ULK4: variants seen among roughly 807,000 people sequenced by gnomAD.
The protein encoded by ULK4 is unc-51 like kinase 4.
ULK4 carries 133 observed loss-of-function variants against 160.6 expected under a neutral mutation model. That is an observed-to-expected ratio of 0.83 (90% CI 0.72 to 0.96). The LOEUF is 0.96. Ranked by LOEUF, ULK4 falls within the 40% of genes least tolerant of loss-of-function variation. The pLI is 0.00. For missense variants in ULK4, 1,580 were observed against 1,499.5 expected (o/e 1.05, Z -0.89); for synonymous variants, 534 against 539.8 (o/e 0.99, Z 0.15).
At chr3:41,786,182 T>A (rs2039992087) in intron 21 of ULK4, among the ~76,000 whole-genome samples, 1 of 152,198 alleles carries the variant, frequency 6.6e-6, no homozygotes, top group Non-Finnish European at 1.5e-5. Context: ...TTGTTTATTA[T>A]CAGCCCCTCC....
At chr3:41,769,304 T>C (rs764700619) in intron 21 of ULK4, among the ~76,000 whole-genome samples, 1 of 152,214 alleles carries the variant, frequency 6.6e-6, no homozygotes, top group Admixed American at 6.5e-5. Context: ...TTAAGCAATG[T>C]GTACCACGCC....
chr3:41,695,426 A>C (rs2036458516), intron 27 of ULK4, among the ~76,000 whole-genome samples: 1 of 152,190 alleles, frequency 6.6e-6, no homozygotes. Context: ...AGAAATGACT[A>C]ATTTCATAGC....
chr3:41,433,149 G>A (rs1180810075), intron 34 of ULK4, among the ~76,000 whole-genome samples: 1 of 152,060 alleles, frequency 6.6e-6, no homozygotes, highest in Non-Finnish European at 1.5e-5. Context: ...CAATGAAAGA[G>A]GTAAACTAAG....
chr3:41,367,283 C>T (rs1315066297), intron 35 of ULK4, among the ~76,000 whole-genome samples: 2 of 152,136 alleles, frequency 1.3e-5, no homozygotes, highest in South Asian at 2.1e-4. Context: ...GGGATCTTCT[C>T]CTAAGTAGAT....
intron 27 of ULK4, among the ~76,000 whole-genome samples, chr3:41,698,522 G>A (rs950872506): frequency 1.3e-5 from 2 of 152,094 alleles, no homozygotes; most frequent in Non-Finnish European, 2.9e-5. Context: ...TAAGGATAAT[G>A]CAAATATTCC....
chr3:41,618,913 T>C (rs1371300155), intron 30 of ULK4, among the ~76,000 whole-genome samples: 1 of 147,062 alleles, frequency 6.8e-6, no homozygotes, highest in Non-Finnish European at 1.5e-5. Context: ...GGCCTCAAAA[T>C]AAAGGGATGG....
rs752843326 is a variant in ULK4, at chr3:41,678,177, TACACACAC to T, written c.2978+3323_2978+3330del. Among the ~76,000 whole-genome samples the T allele has an allele frequency of 5.5e-3, 683 of 123,128 alleles. 7 individuals are homozygous for T. Among genetic ancestry groups the T allele is most frequent in the African/African-American group, 0.017 (540 of 32,686 alleles). The allele number at this position is 123,128 out of a possible 152,430, so 80.8% of individuals were successfully genotyped here. ...TTTCTTAAAATAAATCTTTATTTCATACACACACACACACACACACACACACACACACA... is the reference window on the plus strand; with the variant it reads ...TTTCTTAAAATAAATCTTTATTTCATACACACACACACACACACACACACA... On this transcript the variant is annotated intron_variant, in intron 29 of 36. Transcript: ENST00000301831.
chr3:41,340,266 G>A (rs1328761708), intron 35 of ULK4, among the ~76,000 whole-genome samples: 1 of 152,174 alleles, frequency 6.6e-6, no homozygotes, highest in African/African-American at 2.4e-5. Flanking sequence ...ATTTGACCAA[G>A]AGGTGTTCAG....
chr3:41,701,238 C>G (rs1217659416), intron 27 of ULK4, among the ~76,000 whole-genome samples: 1 of 151,988 alleles, frequency 6.6e-6, no homozygotes, highest in Non-Finnish European at 1.5e-5. Context: ...GAATCCTCAA[C>G]AGAATAAGTA....
chr3:41,848,254 G>A (rs1410763281), intron 17 of ULK4, among the ~76,000 whole-genome samples: 1 of 147,978 alleles, frequency 6.8e-6, no homozygotes, highest in Non-Finnish European at 1.5e-5. Flanking sequence ...CAAGTAAAGT[G>A]CATAAGTAGA....
In ULK4 at chr3:41,655,384, G is replaced by C. The variant is rs1014323768; in HGVS notation, c.3071+8223C>G. ...ACACACCGGGGACTGTTGTGGGGTG[G>C]GGGGAGGGGGGAGGGATAGCATTAG... On this transcript the variant is annotated intron_variant, in intron 30 of 36. Coordinates refer to ENST00000301831, the MANE Select transcript of ULK4 (RefSeq NM_017886.4). 2.7e-4 allele frequency among the ~76,000 whole-genome samples: 34 copies of C among 127,222 alleles called. 1 individual carries two copies. The highest frequency in any genetic ancestry group is 3.3e-4 in the Non-Finnish European group (20 of 60,732). 83.5% of individuals were successfully genotyped at this position (127,222 alleles called of 152,430 possible).
At chr3:41,903,708 C>T (rs1473108641) in intron 12 of ULK4, among the ~76,000 whole-genome samples, 1 of 151,860 alleles carries the variant, frequency 6.6e-6, no homozygotes, top group Non-Finnish European at 1.5e-5. Flanking sequence ...ATATCCCACT[C>T]ACAACAGCAA....
chr3:41,406,918 G>C (rs2082304842), intron 34 of ULK4, among the ~76,000 whole-genome samples: 1 of 152,186 alleles, frequency 6.6e-6, no homozygotes, highest in South Asian at 2.1e-4. Flanking sequence ...TAGGGTGAGA[G>C]GTCTCCTATT....
At position 41,928,702 on chromosome 3, in the gene ULK4, T is replaced by C. The variant is rs1408775624; in HGVS notation, c.541+3142A>G. ...ATACAAAGGAACCATCAGAGAATAC[T>C]ATAAACACCTCTACACAAATAAACT... On this transcript the variant is annotated intron_variant, in intron 5 of 36. Coordinates refer to ENST00000301831, the MANE Select transcript of ULK4 (RefSeq NM_017886.4). Among the ~76,000 whole-genome samples, 5 of 151,926 alleles carry C rather than the reference T, an allele frequency of 3.3e-5. No individual in the cohort carries two copies. In the South Asian group the frequency reaches 6.2e-4, roughly 19 times the overall value.
intron 31 of ULK4, among the ~76,000 whole-genome samples, chr3:41,614,306 T>C (rs2032848824): frequency 1.3e-5 from 2 of 152,228 alleles, no homozygotes; most frequent in South Asian, 4.1e-4. Flanking sequence ...TGCATTCAAA[T>C]GTAGCTGAGT....
At chr3:41,770,964 A>G (rs1284071376) in intron 21 of ULK4, among the ~76,000 whole-genome samples, 2 of 152,214 alleles carry the variant, frequency 1.3e-5, no homozygotes, top group African/African-American at 4.8e-5. Context: ...AAACAAAACA[A>G]CTATGGCTAC....
chr3:41,828,620 A>T lies in ULK4; in HGVS notation c.1764+7244T>A, dbSNP rs560276554. On this transcript the variant is annotated intron_variant, in intron 18 of 36. Coordinates refer to ENST00000301831, the MANE Select transcript of ULK4 (RefSeq NM_017886.4). Reference sequence around the variant, plus strand: ...CAAGGACCTCTTCAAGGAGAACTAGAAACCAATGCTCAATGAAATTAAAGA... The same window carrying T: ...CAAGGACCTCTTCAAGGAGAACTAGTAACCAATGCTCAATGAAATTAAAGA... Among the ~76,000 whole-genome samples, 97 of 146,920 alleles carry T rather than the reference A, an allele frequency of 6.6e-4. 1 individual carries two copies. The highest frequency in any genetic ancestry group is 1.2e-3 in the Non-Finnish European group (84 of 67,556).
intron 35 of ULK4, among the ~76,000 whole-genome samples, chr3:41,335,175 C>A (rs2080529668): frequency 6.6e-6 from 1 of 152,170 alleles, no homozygotes; most frequent in Non-Finnish European, 1.5e-5. Flanking sequence ...ATAATTAAGT[C>A]ATGAACCAAT....
intron 32 of ULK4, among the ~76,000 whole-genome samples, chr3:41,490,692 C>T (rs143431957): frequency 1.3e-5 from 2 of 152,208 alleles, no homozygotes; most frequent in Non-Finnish European, 2.9e-5. Context: ...ATATTTGAAC[C>T]GAGCAAGATG....
Sources: allele counts gnomAD v4.1 joint callset (sites outside exome capture counted in the v4.1 genomes callset), GRCh38; gene constraint gnomAD v4.1.1; transcripts MANE v1.5; gene names NCBI Gene and HGNC (gene_info 2026-07-23, HGNC 2026-07-21).